Variants in PHACTR3 observed in about 807,000 individuals in gnomAD.
PHACTR3 encodes phosphatase and actin regulator 3.
Under a neutral mutation model 66.8 loss-of-function variants are expected in PHACTR3, and 16 were observed. That is an observed-to-expected ratio of 0.24 (90% CI 0.16 to 0.36). PHACTR3 has a LOEUF of 0.36. Ranked by LOEUF, PHACTR3 falls within the 10% of genes least tolerant of loss-of-function variation. PHACTR3 has a pLI of 1.00. For missense variants in PHACTR3, 647 were observed against 719.9 expected (o/e 0.90, Z 1.16); for synonymous variants, 323 against 292.1 (o/e 1.11, Z -1.08).
intron 9 of PHACTR3, among the ~76,000 whole-genome samples, chr20:59,837,907 C>T (rs1233501788): frequency 1.3e-5 from 2 of 152,156 alleles, no homozygotes; most frequent in East Asian, 1.9e-4. Flanking sequence ...TCCTTCCTAT[C>T]GTGGGCAACC....
intron 3 of PHACTR3, among the ~76,000 whole-genome samples, chr20:59,748,346 G>A (rs954885605): frequency 1.3e-5 from 2 of 152,066 alleles, no homozygotes. Flanking sequence ...GAGAGGCAGC[G>A]GCTATCCCAC....
chr20:59,669,802 C>A (rs1416236967), intron 1 of PHACTR3, among the ~76,000 whole-genome samples: 1 of 152,200 alleles, frequency 6.6e-6, no homozygotes, highest in African/African-American at 2.4e-5. Flanking sequence ...ATGTGTCAGC[C>A]CTCCATTCCT....
Position 59,643,177 on chromosome 20 carries a change from C to T in PHACTR3, c.118+38045C>T, listed in dbSNP as rs945808925. 5.9e-5 allele frequency among the ~76,000 whole-genome samples: 9 copies of T among 152,312 alleles called. No homozygotes were observed. The East Asian group carries it at 9.7e-4, about 16-fold the overall frequency. ...CCGCCCGCCTCGGCCTCCCAAAGTG[C>T]TGGGATTACAGGCGTGAGCCACTGC... On this transcript the variant is annotated intron_variant, in intron 1 of 12. Coordinates refer to ENST00000371015, the MANE Select transcript of PHACTR3 (RefSeq NM_080672.5).
intron 5 of PHACTR3, among the ~76,000 whole-genome samples, chr20:59,768,403 A>G (rs966664437): frequency 2.6e-5 from 4 of 152,246 alleles, no homozygotes; most frequent in Admixed American, 1.3e-4. Context: ...TTTGCTGGGT[A>G]GGCACGAGGT....
intron 3 of PHACTR3, among the ~76,000 whole-genome samples, chr20:59,752,944 G>C (rs574756075): frequency 6.6e-6 from 1 of 152,156 alleles, no homozygotes; most frequent in Non-Finnish European, 1.5e-5. Flanking sequence ...ACGGTTGCAC[G>C]TCAAATGCGA....
At chr20:59,673,624 G>A (rs1193695698) in intron 1 of PHACTR3, among the ~76,000 whole-genome samples, 3 of 152,152 alleles carry the variant, frequency 2.0e-5, no homozygotes, top group African/African-American at 7.2e-5. Flanking sequence ...TGGTGACCCT[G>A]GGGACCCTGC....
At chr20:59,682,224 C>T (rs540887973) in intron 1 of PHACTR3, among the ~76,000 whole-genome samples, 173 of 152,190 alleles carry the variant, frequency 1.1e-3, no homozygotes, top group Non-Finnish European at 2.3e-3. Context: ...CCTGTAGTCC[C>T]AGCTACTCGG....
At chr20:59,772,981 G>C (rs563798341) in intron 5 of PHACTR3, among the ~76,000 whole-genome samples, 1 of 152,164 alleles carries the variant, frequency 6.6e-6, no homozygotes, top group Non-Finnish European at 1.5e-5. Flanking sequence ...TCATAGCAGA[G>C]AAGCAGGAAG....
intron 8 of PHACTR3, among the ~76,000 whole-genome samples, chr20:59,823,372 G>C (rs6070961): frequency 1.3e-5 from 2 of 151,874 alleles, no homozygotes; most frequent in Non-Finnish European, 2.9e-5. Context: ...TAGATCCTTC[G>C]CTCGGCATCA....
At chr20:59,801,814 T>C (rs985444073) in intron 7 of PHACTR3, among the ~76,000 whole-genome samples, 1 of 152,264 alleles carries the variant, frequency 6.6e-6, no homozygotes, top group South Asian at 2.1e-4. Flanking sequence ...TAGGATATGT[T>C]GTGACAGTGC....
At chr20:59,674,610 TC>T (rs1411657837) in intron 1 of PHACTR3, among the ~76,000 whole-genome samples, 1 of 50,316 alleles carries the variant, frequency 2.0e-5, no homozygotes, top group Non-Finnish European at 3.3e-5. Flanking sequence ...CTTCTCCTGT[TC>T]CCCCCTTCTC....
chr20:59,604,623 G>T lies in PHACTR3; in HGVS notation c.-392G>T. The T allele has an allele frequency of 1.0e-6, 1 of 971,272 alleles. No individual in the cohort carries two copies. Among genetic ancestry groups the T allele is most frequent in the South Asian group, 4.8e-5 (1 of 20,914 alleles). The allele number at this position is 971,272 out of a possible 1,614,324, so 60.2% of individuals were successfully genotyped here. ...GGGGGGTGGGGTGGGGGGAGGGAGC[G>T]CCCCCAGACATTCCAGGACATCACC... is the stretch of plus-strand genomic sequence containing the variant. On this transcript the variant is annotated 5_prime_UTR_variant, in exon 1 of 13. Transcript: ENST00000371015.
At chr20:59,639,409 G>T (rs909941209) in intron 1 of PHACTR3, among the ~76,000 whole-genome samples, 10 of 152,130 alleles carry the variant, frequency 6.6e-5, no homozygotes, top group African/African-American at 2.4e-4. Context: ...GCAATGCTCT[G>T]GTTACAGTCA....
intron 1 of PHACTR3, among the ~76,000 whole-genome samples, chr20:59,671,154 C>G (rs987357776): frequency 6.6e-5 from 10 of 152,162 alleles, no homozygotes; most frequent in African/African-American, 2.2e-4. Flanking sequence ...CATGGAAAAT[C>G]ACAGGAGCCA....
At chr20:59,597,320 C>A (rs945103204) in intron 1 of PHACTR3, among the ~76,000 whole-genome samples, 3 of 152,208 alleles carry the variant, frequency 2.0e-5, no homozygotes, top group African/African-American at 7.2e-5. Context: ...AATCTTGTTA[C>A]CTCCTCCTCT....
Position 59,836,323 on chromosome 20 carries a change from A to G in PHACTR3, c.1329-182A>G, listed in dbSNP as rs534806545. 4.1e-4 allele frequency: 237 copies of G among 571,826 alleles called. 1 individual carries two copies. Among genetic ancestry groups the G allele is most frequent in the Middle Eastern group, 9.3e-4 (2 of 2,162 alleles). The allele number at this position is 571,826 out of a possible 1,614,324, so 35.4% of individuals were successfully genotyped here. A position where few individuals can be genotyped will look rare whatever the true frequency, so the allele number is the denominator to read the frequency against. Reference sequence around the variant, plus strand: ...CTGTGACGGGAGAGCTTTGACTGTCACCTGGAAGTCTGACTTGATTTTGCC... The same window carrying G: ...CTGTGACGGGAGAGCTTTGACTGTCGCCTGGAAGTCTGACTTGATTTTGCC... On this transcript the variant is annotated intron_variant, in intron 8 of 12. Coordinates refer to ENST00000371015, the MANE Select transcript of PHACTR3 (RefSeq NM_080672.5).
intron 1 of PHACTR3, among the ~76,000 whole-genome samples, chr20:59,636,536 G>A (rs183792419): frequency 2.0e-5 from 3 of 152,316 alleles, no homozygotes; most frequent in East Asian, 3.9e-4. Flanking sequence ...GGGAAGGGGT[G>A]TGGGAGATGG....
intron 1 of PHACTR3, among the ~76,000 whole-genome samples, chr20:59,624,372 C>T (rs1014650621): frequency 2.6e-5 from 4 of 152,062 alleles, no homozygotes; most frequent in Non-Finnish European, 4.4e-5. Context: ...ATATGAGACT[C>T]GCCGGGGGTC....
At chr20:59,722,474 G>A (rs995846531) in intron 1 of PHACTR3, among the ~76,000 whole-genome samples, 4 of 152,190 alleles carry the variant, frequency 2.6e-5, no homozygotes, top group Non-Finnish European at 5.9e-5. Context: ...TGGCTGGAAT[G>A]GAGGGAGCAT....
Sources: allele counts gnomAD v4.1 joint callset (sites outside exome capture counted in the v4.1 genomes callset), GRCh38; gene constraint gnomAD v4.1.1; transcripts MANE v1.5; gene names NCBI Gene and HGNC (gene_info 2026-07-23, HGNC 2026-07-21).